Variants in VAC14 observed in about 807,000 individuals in gnomAD.
VAC14 encodes protein VAC14 homolog.
VAC14 carries 47 observed loss-of-function variants against 85.3 expected under a neutral mutation model. The ratio of observed to expected loss-of-function variants is 0.55; its 90% CI spans 0.44 to 0.70. The LOEUF (loss-of-function observed/expected upper bound fraction) is 0.70, where lower values mean the gene tolerates loss of function less well. VAC14 is among the 30% of genes least tolerant of loss of function. The probability of loss-of-function intolerance (pLI) is 0.00; values close to 1 mark genes in which losing one functional copy is unlikely to be tolerated. For synonymous variants in VAC14, 447 were observed against 430.5 expected (o/e 1.04, Z -0.47); for missense variants, 861 against 1,004.3 (o/e 0.86, Z 1.93).
At chr16:70,770,539 G>A (rs1373890437) in intron 10 of VAC14, 1 of 152,256 alleles carries the variant, frequency 6.6e-6, no homozygotes, top group Non-Finnish European at 1.5e-5. Flanking sequence ...GCCTGGCTAT[G>A]TTGACTGGCA....
At chr16:70,731,705 C>G in intron 13 of VAC14, 78 bp from the exon 14 acceptor site, 2 of 1,467,682 alleles carry the variant, frequency 1.4e-6, no homozygotes, top group Non-Finnish European at 1.8e-6. Context: ...AGAATATAAA[C>G]AACTATAAAT....
intron 14 of VAC14, among the ~76,000 whole-genome samples, chr16:70,708,662 G>A (rs957498921): frequency 1.3e-5 from 2 of 152,244 alleles, no homozygotes; most frequent in African/African-American, 2.4e-5. Context: ...GGCGAGGGCT[G>A]GGGACAGGCG....
In VAC14 at chr16:70,782,827, G is replaced by A. The variant is rs115764217; in HGVS notation, c.811+206C>T. The stretch of plus-strand genomic sequence containing the variant: ...ACACACCAGGTGAAAGGACCTCTGT[G>A]TCTCTGTGGTGACAGAACCCAGACC... On this transcript the variant is annotated intron_variant, in intron 7 of 18. Coordinates refer to ENST00000261776, the MANE Select transcript of VAC14 (RefSeq NM_018052.5). Among the ~76,000 whole-genome samples the A allele has an allele frequency of 3.4e-3, 523 of 152,322 alleles. 3 individuals carry two copies. Among genetic ancestry groups the A allele is most frequent in the African/African-American group, 0.012 (486 of 41,564 alleles).
chr16:70,706,233 A>C (rs1283000585), intron 14 of VAC14, among the ~76,000 whole-genome samples: 1 of 152,186 alleles, frequency 6.6e-6, no homozygotes, highest in Non-Finnish European at 1.5e-5. Context: ...GGGTTCTTAC[A>C]TGGGTGACTG....
chr16:70,695,559 A>G lies in VAC14; in HGVS notation c.2020T>C (p.Cys674Arg), dbSNP rs1188945150. The G allele has an allele frequency of 6.2e-6, 10 of 1,613,686 alleles. No individual in the cohort carries two copies. Among genetic ancestry groups the G allele is most frequent in the Non-Finnish European group, 8.5e-6 (10 of 1,179,936 alleles). The change falls in exon 17 of 19, where the codon TGC (cysteine) becomes CGC (arginine). Residue 674 changes from cysteine (C) to arginine (R), a missense_variant. Coordinates refer to ENST00000261776, the MANE Select transcript of VAC14 (RefSeq NM_018052.5). ...TGGTTCTTACATGTGAAGATGGGGC[A>G]CTCAATCAGCTGCACCAGCTTGTCC... ...EVDKLVQLIE[C>R]PIFTYLRLQL...
chr16:70,794,592 T>A (rs2034468165), intron 1 of VAC14, among the ~76,000 whole-genome samples: 1 of 152,254 alleles, frequency 6.6e-6, no homozygotes, highest in Non-Finnish European at 1.5e-5. Context: ...CCCGACGATT[T>A]GCTTTGCAGG....
At chr16:70,797,390 C>T (rs1293019872) in intron 1 of VAC14, among the ~76,000 whole-genome samples, 1 of 152,094 alleles carries the variant, frequency 6.6e-6, no homozygotes, top group African/African-American at 2.4e-5. Context: ...ACCTTAATTC[C>T]CCCTTGCTGT....
intron 14 of VAC14, among the ~76,000 whole-genome samples, chr16:70,703,375 T>C (rs1023043401): frequency 7.3e-5 from 11 of 150,748 alleles, no homozygotes; most frequent in African/African-American, 2.7e-4. Flanking sequence ...AGGGGACCTC[T>C]TGTACCACCC....
At chr16:70,757,976 G>T (rs987828490) in intron 12 of VAC14, among the ~76,000 whole-genome samples, 1 of 152,216 alleles carries the variant, frequency 6.6e-6, no homozygotes, top group East Asian at 1.9e-4. Context: ...CCCAAAGCCC[G>T]TGCTCTTAAC....
chr16:70,697,346 T>A, intron 15 of VAC14, 89 bp from the exon 16 acceptor site: 1 of 1,094,208 alleles, frequency 9.1e-7, no homozygotes, highest in Non-Finnish European at 1.4e-6. Flanking sequence ...GGGCCACAGG[T>A]CTAAGTCCCA....
intron 14 of VAC14, 171 bp downstream of exon 14, chr16:70,731,324 T>A (rs2054583227): frequency 6.9e-7 from 1 of 1,459,780 alleles, no homozygotes; most frequent in Admixed American, 2.4e-5. Context: ...GTCAGAAGCA[T>A]CAGCAACCAG....
At chr16:70,780,093 C>T (rs1472947632) in intron 9 of VAC14, among the ~76,000 whole-genome samples, 1 of 146,588 alleles carries the variant, frequency 6.8e-6, no homozygotes, top group Non-Finnish European at 1.5e-5. Flanking sequence ...CTCCTGAGTT[C>T]ATGCAGATTG....
chr16:70,760,958 AGAGGGTGTGTGTGT>A (rs2143046079), intron 12 of VAC14, among the ~76,000 whole-genome samples: 1 of 70,146 alleles, frequency 1.4e-5, no homozygotes, highest in African/African-American at 7.3e-5. Context: ...GTGCACGAAG[AGAGGGTGTGTGTGT>A]GTGTGTGTGT....
Position 70,762,767 on chromosome 16 carries a change from G to C in VAC14, c.1305+114C>G, listed in dbSNP as rs569033622. The C allele has an allele frequency of 2.3e-5, 35 of 1,546,410 alleles. No individual in the cohort carries two copies. In the African/African-American group the frequency reaches 4.2e-4, roughly 19 times the overall value. ...TCGCAGCACCTGTCACTTCTCTGCC[G>C]GCCAGGGTTTCCCTAGAAGGGCAAT... On this transcript the variant is annotated intron_variant, in intron 11 of 18. Transcript: ENST00000261776. This position sits in a 1 kb window ranked among gnomAD's most constrained non-coding sequence, Gnocchi z 4.1.
chr16:70,696,566 G>A (rs752755682), intron 16 of VAC14, among the ~76,000 whole-genome samples: 36 of 152,350 alleles, frequency 2.4e-4, no homozygotes, highest in Non-Finnish European at 4.7e-4. Flanking sequence ...GTGCTGAGGT[G>A]AGAATGGGTG....
At chr16:70,783,971 G>T (rs1312616678) in intron 5 of VAC14, 142 bp downstream of exon 5, 7 of 689,256 alleles carry the variant, frequency 1.0e-5, no homozygotes, top group Non-Finnish European at 1.8e-5. Flanking sequence ...GCTGAATAAG[G>T]TGTTTTTGAA....
At chr16:70,733,820 C>T (rs566401900) in intron 13 of VAC14, among the ~76,000 whole-genome samples, 1 of 152,022 alleles carries the variant, frequency 6.6e-6, no homozygotes, top group Non-Finnish European at 1.5e-5. Flanking sequence ...TCAATCAGGT[C>T]TTTTTGTTTT....
intron 18 of VAC14, chr16:70,690,240 A>G: frequency 1.0e-6 from 1 of 985,364 alleles, no homozygotes; most frequent in Non-Finnish European, 1.2e-6. Context: ...AGATCTTGGG[A>G]GCAGGGCGGG....
In VAC14 at chr16:70,801,018, C is replaced by G; in HGVS notation, c.-118G>C. On this transcript the variant is annotated 5_prime_UTR_variant, in exon 1 of 19. Coordinates refer to ENST00000261776, the MANE Select transcript of VAC14 (RefSeq NM_018052.5). ...GCGCCGGCGCATGGACCACGCCGCT[C>G]TAGGCTTGCCTGCCACGCTCCGCCG... 1.7e-6 allele frequency: 1 copy of G among 598,520 alleles called. No individual in the cohort carries two copies. 37.1% of individuals were successfully genotyped at this position (598,520 alleles called of 1,614,324 possible).
Sources: gnomAD v4.1 joint callset for allele counts (sites outside exome capture counted in the v4.1 genomes callset) on GRCh38, gnomAD v4.1.1 for gene constraint, Gnocchi (gnomAD v3.1) non-coding constraint, MANE v1.5 for transcripts, NCBI Gene and HGNC (gene_info 2026-07-23, HGNC 2026-07-21) for gene names.